The following GCKR variants were observed in gnomAD, a reference collection of about 807,000 sequenced individuals.
GCKR encodes glucokinase regulator.
In GCKR, 73 loss-of-function variants were observed where a neutral mutation model predicts 82.9. That is an observed-to-expected ratio of 0.88 (90% CI 0.73 to 1.07). The LOEUF (loss-of-function observed/expected upper bound fraction) is 1.07, where lower values mean the gene tolerates loss of function less well. Ranked by LOEUF, GCKR falls within the 50% of genes least tolerant of loss-of-function variation. The probability of loss-of-function intolerance (pLI) is 0.00; values close to 1 mark genes in which losing one functional copy is unlikely to be tolerated. For synonymous variants in GCKR, 294 were observed against 291.8 expected (o/e 1.01, Z -0.08); for missense variants, 784 against 782.1 (o/e 1.00, Z -0.03).
Position 27,518,785 on chromosome 2 carries a change from C to T in GCKR, c.1423-3C>T, listed in dbSNP as rs763544931. The T allele has an allele frequency of 2.3e-5, 37 of 1,612,726 alleles. No homozygotes were observed. The highest frequency in any genetic ancestry group is 2.9e-5 in the Non-Finnish European group (34 of 1,178,764). ...GACACCCCCATGTGTCTGCCCTTTT[C>T]AGAAGTTCCAGCGTGAGCTAAGCAC... On this transcript the variant is annotated splice_region_variant and splice_polypyrimidine_tract_variant and intron_variant, in intron 16 of 18. Coordinates refer to ENST00000264717, the MANE Select transcript of GCKR (RefSeq NM_001486.4).
rs747033149 is a variant in GCKR at position 27,508,918 on chromosome 2, CTT to C, written c.1422+669_1422+670del. ...ACTATGCTGAATTCATTGCAGATAA[CTT>C]TATGTGCATATAGTCCCTGCTTGCC... On this transcript the variant is annotated intron_variant, in intron 16 of 18. Coordinates refer to ENST00000264717, the MANE Select transcript of GCKR (RefSeq NM_001486.4). 2.6e-5 allele frequency among the ~76,000 whole-genome samples: 4 copies of C among 151,162 alleles called. No individual in the cohort carries two copies. In the East Asian group the frequency reaches 5.8e-4, roughly 22 times the overall value.
chr2:27,523,664 T>C lies in GCKR; in HGVS notation c.*225T>C, dbSNP rs1229837444. On this transcript the variant is annotated 3_prime_UTR_variant, in exon 19 of 19. Coordinates refer to ENST00000264717, the MANE Select transcript of GCKR (RefSeq NM_001486.4). ...ACTTATTCTGATTTCAGAAATAAAA[T>C]GAAATGTCTTATTTTGGAAAGTTAA... The C allele has an allele frequency of 7.1e-6, 4 of 565,402 alleles. No homozygotes were observed. Among genetic ancestry groups the C allele is most frequent in the African/African-American group, 1.9e-5 (1 of 53,092 alleles). The allele number at this position is 565,402 out of a possible 1,614,324, so 35.0% of individuals were successfully genotyped here. A position where few individuals can be genotyped will look rare whatever the true frequency, so the allele number is the denominator to read the frequency against.
intron 18 of GCKR, among the ~76,000 whole-genome samples, chr2:27,522,834 A>G (rs763039815): frequency 2.0e-5 from 3 of 149,862 alleles, no homozygotes; most frequent in Non-Finnish European, 4.4e-5. Flanking sequence ...ATAACATCCT[A>G]TTTGCATCTA....
intron 15 of GCKR, 34 bp downstream of exon 15, chr2:27,508,108 G>A: frequency 1.3e-6 from 2 of 1,585,490 alleles, no homozygotes; most frequent in South Asian, 1.1e-5. Flanking sequence ...GGACCCAGGT[G>A]GCAGTTGCAG....
chr2:27,497,462 T>C, intron 2 of GCKR, 63 bp downstream of exon 2: 1 of 1,594,528 alleles, frequency 6.3e-7, no homozygotes, highest in East Asian at 2.2e-5. Flanking sequence ...CCACCTCTGC[T>C]CTCCCTCACC....
chr2:27,510,237 C>T (rs1370608480), intron 16 of GCKR, among the ~76,000 whole-genome samples: 1 of 151,840 alleles, frequency 6.6e-6, no homozygotes, highest in Non-Finnish European at 1.5e-5. Flanking sequence ...TCTCGATCTT[C>T]TGAACTTGTG....
intron 16 of GCKR, among the ~76,000 whole-genome samples, chr2:27,516,954 G>C (rs1185430994): frequency 6.6e-6 from 1 of 151,340 alleles, no homozygotes; most frequent in Admixed American, 6.6e-5. Flanking sequence ...CCAGAATAAA[G>C]AGGTAAAAGT....
chr2:27,523,634 C>A lies in GCKR; in HGVS notation c.*195C>A. On this transcript the variant is annotated 3_prime_UTR_variant, in exon 19 of 19. Coordinates refer to ENST00000264717, the MANE Select transcript of GCKR (RefSeq NM_001486.4). ...CTCTCGACCTAGTGGTTTCTACTCT[C>A]ACCGACTTATTCTGATTTCAGAAAT... 1.6e-6 allele frequency: 1 copy of A among 606,588 alleles called. No homozygotes were observed. The allele number at this position is 606,588 out of a possible 1,614,324, so 37.6% of individuals were successfully genotyped here.
chr2:27,500,054 A>G (rs1433817264), intron 7 of GCKR, among the ~76,000 whole-genome samples: 1 of 151,620 alleles, frequency 6.6e-6, no homozygotes, highest in Non-Finnish European at 1.5e-5. Context: ...GAGCCACTGC[A>G]CCTGGCCCTA....
At position 27,501,017 on chromosome 2, in the gene GCKR, T is replaced by A; in HGVS notation, c.550-118T>A. The stretch of plus-strand genomic sequence containing the variant: ...AAATTTGGATCCAGTAGATTGTAAC[T>A]GTACCTGGGAATCTGCATTTTGAAC... On this transcript the variant is annotated intron_variant, in intron 7 of 18. Transcript: ENST00000264717. 2.4e-6 allele frequency: 2 copies of A among 822,186 alleles called. 1 individual carries two copies. Among genetic ancestry groups the A allele is most frequent in the South Asian group, 2.7e-5 (2 of 74,818 alleles). 50.9% of individuals were successfully genotyped at this position (822,186 alleles called of 1,614,324 possible).
rs893763445 is a variant in GCKR at position 27,519,039 on chromosome 2, G to C, written c.1572+102G>C. The C allele has an allele frequency of 2.8e-6, 3 of 1,086,210 alleles. No homozygotes were observed. The African/African-American group carries it at 4.6e-5, about 17-fold the overall frequency. The allele number at this position is 1,086,210 out of a possible 1,614,324, so 67.3% of individuals were successfully genotyped here. A position where few individuals can be genotyped will look rare whatever the true frequency, so the allele number is the denominator to read the frequency against. ...GATATGGAAATGTGCAAGGGTACAG[G>C]CTGCCTTTTCTGTGTGCTTCTGCTC... On this transcript the variant is annotated intron_variant, in intron 17 of 18. Coordinates refer to ENST00000264717, the MANE Select transcript of GCKR (RefSeq NM_001486.4).
chr2:27,515,772 T>A (rs1029015285), intron 16 of GCKR, among the ~76,000 whole-genome samples: 15 of 144,816 alleles, frequency 1.0e-4, no homozygotes, highest in African/African-American at 2.3e-4. Context: ...TATATTTTTT[T>A]TTTTTTTTTG....
chr2:27,508,088 C>T lies in GCKR; in HGVS notation c.1338+14C>T, dbSNP rs770521024. The T allele has an allele frequency of 1.7e-5, 28 of 1,603,506 alleles. No individual in the cohort carries two copies. Among genetic ancestry groups the T allele is most frequent in the Middle Eastern group, 3.3e-4 (2 of 6,074 alleles). On this transcript the variant is annotated intron_variant, in intron 15 of 18. Transcript: ENST00000264717. ...CAGACCTTGCTGGTGAGAGTCCAGC[C>T]GTGACAAAGGGACCCAGGTGGCAGT... is the stretch of plus-strand genomic sequence containing the variant.
chr2:27,505,425 A>G (rs945349957), intron 9 of GCKR, among the ~76,000 whole-genome samples: 16 of 151,592 alleles, frequency 1.1e-4, no homozygotes, highest in African/African-American at 3.6e-4. Flanking sequence ...AAAAAGAAAA[A>G]AAAAGAAAAC....
chr2:27,498,195 G>C, intron 3 of GCKR, 60 bp from the exon 4 acceptor site: 2 of 1,279,066 alleles, frequency 1.6e-6, no homozygotes, highest in Non-Finnish European at 2.3e-6. Flanking sequence ...ACAAAGAAAA[G>C]AATATTCTTC....
At position 27,501,220 on chromosome 2, in the gene GCKR, G is replaced by A; in HGVS notation, c.635G>A (p.Ser212Asn). ...LPVLVGFNPV[S>N]MARNDPIEDW... ...GTCCTGGTTGGCTTCAATCCAGTGA[G>A]CATGGCCAGGTGAGCCTTCTGGAAT... is the stretch of plus-strand genomic sequence containing the variant. Residue 212 changes from serine (S) to asparagine (N), a missense_variant, in exon 8 of 19, where the codon AGC (serine) becomes AAC (asparagine). By Grantham distance (46) the Ser-to-Asn change is conservative. Transcript: ENST00000264717. 1.9e-6 allele frequency: 3 copies of A among 1,610,946 alleles called. No homozygotes were observed. The highest frequency in any genetic ancestry group is 2.5e-6 in the Non-Finnish European group (3 of 1,177,068).
chr2:27,511,254 C>T (rs576417552), intron 16 of GCKR, among the ~76,000 whole-genome samples: 3 of 151,506 alleles, frequency 2.0e-5, no homozygotes, highest in South Asian at 2.1e-4. Context: ...TCTCGAACTT[C>T]GGACCTCAGG....
intron 8 of GCKR, chr2:27,501,928 T>G: frequency 5.9e-6 from 2 of 339,602 alleles, no homozygotes; most frequent in South Asian, 5.1e-5. Context: ...TCTGATTTTG[T>G]AGGTTTGGAG....
rs761023074 is a variant in GCKR, at chr2:27,523,457, G to A, written c.*18G>A. ...TTCAGTGAACCCATGTTTCTGGGTG[G>A]GTGAAAGGGGCCCAACCCTGCCCAC... On this transcript the variant is annotated 3_prime_UTR_variant, in exon 19 of 19. Coordinates refer to ENST00000264717, the MANE Select transcript of GCKR (RefSeq NM_001486.4). 20 of 1,601,458 alleles carry A rather than the reference G, an allele frequency of 1.2e-5. No homozygotes were observed. Among genetic ancestry groups the A allele is most frequent in the Non-Finnish European group, 1.6e-5 (19 of 1,179,556 alleles).
Sources: gnomAD v4.1 joint callset for allele counts (sites outside exome capture counted in the v4.1 genomes callset) on GRCh38, gnomAD v4.1.1 for gene constraint, MANE v1.5 for transcripts, NCBI Gene and HGNC (gene_info 2026-07-23, HGNC 2026-07-21) for gene names.